The following MYO7B variants were observed in gnomAD, a reference collection of about 807,000 sequenced individuals.
MYO7B encodes the protein unconventional myosin-VIIb.
A neutral mutation model predicts 259.7 loss-of-function variants in MYO7B; 212 were observed. The ratio of observed to expected loss-of-function variants is 0.82; its 90% CI spans 0.73 to 0.91. MYO7B has a LOEUF of 0.91. Among genes scored for constraint, MYO7B ranks in the 40% least tolerant of loss-of-function variants. The probability of loss-of-function intolerance (pLI) is 0.00; values close to 1 mark genes in which losing one functional copy is unlikely to be tolerated. For missense variants in MYO7B, 2,732 were observed against 2,813.5 expected, an observed-to-expected ratio of 0.97 and a Z score of 0.66; for synonymous variants, 1,197 against 1,166.4, an observed-to-expected ratio of 1.03 and a Z score of -0.54.
Position 127,574,012 on chromosome 2 carries a change from GGC to G in MYO7B, c.692_693del (p.Arg231HisfsTer34). On this transcript the variant is annotated frameshift_variant, in exon 7 of 48. Coordinates refer to ENST00000409816, the MANE Select transcript of MYO7B (RefSeq NM_001393586.1). LOFTEE classifies it high-confidence loss of function. The stretch of plus-strand genomic sequence containing the variant: ...CTTTAACCCCAGCGGGGTGATCGAG[GGC>G]GCGCGCATCGAGCAATTTCTCCTGG... ...IYFNPSGVIE[G>X]ARIEQFLLEK... 1 of 1,614,024 alleles carries G rather than the reference GGC, an allele frequency of 6.2e-7. No homozygotes were observed. Among genetic ancestry groups the G allele is most frequent in the Non-Finnish European group, 8.5e-7 (1 of 1,179,896 alleles).
At chr2:127,561,129 C>T (rs974978791) in intron 2 of MYO7B, among the ~76,000 whole-genome samples, 5 of 152,226 alleles carry the variant, frequency 3.3e-5, no homozygotes, top group African/African-American at 1.2e-4. Flanking sequence ...CCACGGGATG[C>T]ATCAACGCCA....
rs376413423 is a variant in MYO7B, at chr2:127,569,934, C to A, written c.592+24C>A. On this transcript the variant is annotated intron_variant, in intron 6 of 47. Coordinates refer to ENST00000409816, the MANE Select transcript of MYO7B (RefSeq NM_001393586.1). ...GGGTAAGCATCACTCTGGGACCCGC[C>A]CTTCTCCCCCAGCCCCCCTGGAGCC... 202 of 1,599,470 alleles carry A rather than the reference C, an allele frequency of 1.3e-4. No individual in the cohort carries two copies. The African/African-American group carries it at 2.5e-3, about 20-fold the overall frequency.
At chr2:127,634,094 A>C in intron 40 of MYO7B, 82 bp from the exon 41 acceptor site, 3 of 1,139,162 alleles carry the variant, frequency 2.6e-6, no homozygotes. Context: ...AAGGAGCAAA[A>C]GTGCCAGGCT....
At chr2:127,596,123 C>T (rs756847186) in intron 18 of MYO7B, among the ~76,000 whole-genome samples, 3 of 152,160 alleles carry the variant, frequency 2.0e-5, no homozygotes, top group South Asian at 2.1e-4. Context: ...GGCTTTTACA[C>T]GGTTGGATGC....
rs1287419953 is a variant in MYO7B, at chr2:127,627,838, C to G, written c.4460+528C>G. The G allele has an allele frequency of 2.2e-6, 1 of 458,048 alleles. No homozygotes were observed. The highest frequency in any genetic ancestry group is 4.4e-6 in the Non-Finnish European group (1 of 227,836). The allele number at this position is 458,048 out of a possible 1,614,324, so 28.4% of individuals were successfully genotyped here. Reference sequence around the variant, plus strand: ...CCCACCCAAGCCCTGCCAGAGCGCCCCTTGGTTGAAGCACACAACAGAGTG... The same window carrying G: ...CCCACCCAAGCCCTGCCAGAGCGCCGCTTGGTTGAAGCACACAACAGAGTG... On this transcript the variant is annotated intron_variant, in intron 33 of 47. Transcript: ENST00000409816. This position sits in a 1 kb window ranked among gnomAD's most constrained non-coding sequence, Gnocchi z 5.6.
Position 127,628,083 on chromosome 2 carries a change from C to T in MYO7B, c.4461-289C>T. ...AGCCGGCAGCTCATCTCAGCTCTGA[C>T]CTTTGCAGTGTCCCTGCGGTGTCAC... On this transcript the variant is annotated intron_variant, in intron 33 of 47. Transcript: ENST00000409816. The surrounding 1 kb of genome is among the most constrained non-coding windows in gnomAD (Gnocchi z 4.8). 1 of 601,530 alleles carries T rather than the reference C, an allele frequency of 1.7e-6. No individual in the cohort carries two copies. The highest frequency in any genetic ancestry group is 3.1e-6 in the Non-Finnish European group (1 of 320,542). 37.3% of individuals were successfully genotyped at this position (601,530 alleles called of 1,614,324 possible).
At chr2:127,634,315 CGGT>C in intron 41 of MYO7B, 26 bp downstream of exon 41, 1 of 1,508,874 alleles carries the variant, frequency 6.6e-7, no homozygotes, top group Non-Finnish European at 8.9e-7. Context: ...GCTGGGCAGA[CGGT>C]GGGCGGACGG....
Position 127,607,188 on chromosome 2 carries a change from T to A in MYO7B, c.2425-18T>A. On this transcript the variant is annotated intron_variant, in intron 20 of 47. Coordinates refer to ENST00000409816, the MANE Select transcript of MYO7B (RefSeq NM_001393586.1). The surrounding 1 kb of genome is among the most constrained non-coding windows in gnomAD (Gnocchi z 4.4). Reference sequence around the variant, plus strand: ...AGGCCTTCTTGCCCCTGATCTCACCTCTCTCTTGCCTCCGCAGATCCTCGT... The same window carrying A: ...AGGCCTTCTTGCCCCTGATCTCACCACTCTCTTGCCTCCGCAGATCCTCGT... The A allele has an allele frequency of 6.5e-7, 1 of 1,540,840 alleles. No individual in the cohort carries two copies. Among genetic ancestry groups the A allele is most frequent in the Non-Finnish European group, 8.8e-7 (1 of 1,141,152 alleles).
rs35839024 is a variant in MYO7B at position 127,539,597 on chromosome 2, CA to C, written c.-24+3767del. Among the ~76,000 whole-genome samples, 11,247 of 152,166 alleles carry C rather than the reference CA, an allele frequency of 0.074. 572 individuals carry two copies. Among genetic ancestry groups the C allele is most frequent in the Non-Finnish European group, 0.11 (7,679 of 67,996 alleles). On this transcript the variant is annotated intron_variant, in intron 1 of 47. Coordinates refer to ENST00000409816, the MANE Select transcript of MYO7B (RefSeq NM_001393586.1). The surrounding 1 kb of genome is among the most constrained non-coding windows in gnomAD (Gnocchi z 4.0). ...TATCTCTACATGAGGGAGGGCACCT[CA>C]CGGGCTATCTCAGCATGAAGGGGGC...
At chr2:127,593,802 GTAGAACAT>G (rs1558823064) in intron 18 of MYO7B, among the ~76,000 whole-genome samples, 158 bp downstream of exon 18, 3 of 152,250 alleles carry the variant, frequency 2.0e-5, no homozygotes, top group Non-Finnish European at 4.4e-5. Context: ...ACCCCTGGAT[GTAGAACAT>G]CACGCTAGGG....
At position 127,586,603 on chromosome 2, in the gene MYO7B, T is replaced by C. The variant is rs915315932; in HGVS notation, c.1690+1690T>C. Among the ~76,000 whole-genome samples the C allele has an allele frequency of 1.3e-5, 2 of 152,186 alleles. No homozygotes were observed. The highest frequency in any genetic ancestry group is 2.9e-5 in the Non-Finnish European group (2 of 68,032). ...GGAGCCAGTCGGACCTGCAGGGTCC[T>C]GGGACGCAAAGAAGATACCGAGCCC... On this transcript the variant is annotated intron_variant, in intron 14 of 47. Transcript: ENST00000409816. The surrounding 1 kb of genome is among the most constrained non-coding windows in gnomAD (Gnocchi z 4.8).
rs761624166 is a variant in MYO7B at position 127,628,459 on chromosome 2, G to C, written c.4548G>C (p.Glu1516Asp). The C allele has an allele frequency of 1.3e-6, 2 of 1,577,190 alleles. No homozygotes were observed. Among genetic ancestry groups the C allele is most frequent in the Non-Finnish European group, 1.7e-6 (2 of 1,162,448 alleles). ...FVSPSSVAIA[E>D]LVALFLEGLK... ...CACCCAGCAGTGTGGCCATCGCTGA[G>C]CTGGTGGCCCTGTTCCTGGAGGGCC... Residue 1516 changes from glutamate to aspartate, a missense_variant, in exon 34 of 48, where the codon GAG (glutamate) becomes GAC (aspartate). Glu to Asp is a conservative substitution (Grantham distance 45, BLOSUM62 2). This residue lies in a region of MYO7B where 1,906 missense variants were observed against 2,026.4 expected (regional missense o/e 0.94). Transcript: ENST00000409816. The surrounding 1 kb of genome is among the most constrained non-coding windows in gnomAD (Gnocchi z 4.8).
chr2:127,636,539 T>A lies in MYO7B; in HGVS notation c.6124-6T>A, dbSNP rs765691317. ...GGACTATGACCGCCGTGTCCCTCCC[T>A]CCCAGCAAACCTCGGAGCCTTCCTA... On this transcript the variant is annotated splice_polypyrimidine_tract_variant and splice_region_variant and intron_variant, in intron 45 of 47. Transcript: ENST00000409816. This position sits in a 1 kb window ranked among gnomAD's most constrained non-coding sequence, Gnocchi z 4.5. 4.0e-5 allele frequency: 64 copies of A among 1,608,678 alleles called. No homozygotes were observed. Among genetic ancestry groups the A allele is most frequent in the Non-Finnish European group, 5.3e-5 (63 of 1,177,656 alleles).
At chr2:127,573,839 A>C in intron 6 of MYO7B, 81 bp from the exon 7 acceptor site, 1 of 1,560,078 alleles carries the variant, frequency 6.4e-7, no homozygotes, top group Non-Finnish European at 8.8e-7. Flanking sequence ...ACCTCCTCTG[A>C]GAAGCCCTCT....
chr2:127,562,482 G>GTTTTTT lies in MYO7B; in HGVS notation c.19-1652_19-1647dup, dbSNP rs56290548. The stretch of plus-strand genomic sequence containing the variant: ...CAGCTAATTTTTGTGGGGTTTTATT[G>GTTTTTT]TTTTTTTTTTTTTTTTTTTTTTTTG... On this transcript the variant is annotated intron_variant, in intron 2 of 47. Transcript: ENST00000409816. Among the ~76,000 whole-genome samples the GTTTTTT allele has an allele frequency of 8.5e-4, 52 of 61,186 alleles. 2 individuals are homozygous for GTTTTTT. Among genetic ancestry groups the GTTTTTT allele is most frequent in the South Asian group, 1.7e-3 (2 of 1,200 alleles). 40.1% of individuals were successfully genotyped at this position (61,186 alleles called of 152,430 possible).
At position 127,536,476 on chromosome 2, in the gene MYO7B, G is replaced by T. The variant is rs867431761; in HGVS notation, c.-24+645G>T. On this transcript the variant is annotated intron_variant, in intron 1 of 47. Transcript: ENST00000409816. The stretch of plus-strand genomic sequence containing the variant: ...CAGGTCTGGGGTGTGGTGGGGGGGG[G>T]GGTGGGGGAAGAGGTGGCTGAGGAG... Among the ~76,000 whole-genome samples, 571 of 148,234 alleles carry T rather than the reference G, an allele frequency of 3.9e-3. 3 individuals carry two copies. The highest frequency in any genetic ancestry group is 7.2e-3 in the Admixed American group (108 of 15,040).
rs762755897 is a variant in MYO7B, at chr2:127,627,117, G to A, written c.4333+25G>A. On this transcript the variant is annotated intron_variant, in intron 32 of 47. Transcript: ENST00000409816. The surrounding 1 kb of genome is among the most constrained non-coding windows in gnomAD (Gnocchi z 5.6). ...GGTAATGGCATCTGACAGGGGGCAG[G>A]GAGCAGGTATGGGCTGGGCACCCAG... 1 of 1,606,640 alleles carries A rather than the reference G, an allele frequency of 6.2e-7. No individual in the cohort carries two copies. The highest frequency in any genetic ancestry group is 8.5e-7 in the Non-Finnish European group (1 of 1,176,908).
Position 127,624,082 on chromosome 2 carries a change from T to C in MYO7B, c.3820-11T>C. The C allele has an allele frequency of 6.4e-7, 1 of 1,552,294 alleles. No individual in the cohort carries two copies. The highest frequency in any genetic ancestry group is 8.7e-7 in the Non-Finnish European group (1 of 1,147,780). On this transcript the variant is annotated splice_polypyrimidine_tract_variant and intron_variant, in intron 29 of 47. Coordinates refer to ENST00000409816, the MANE Select transcript of MYO7B (RefSeq NM_001393586.1). ...CAGCCGCTAACCCCTGCTCCCCGAC[T>C]CTGGCCTCAGTTCTGGTCCCTGGGC...
rs922019312 is a variant in MYO7B, at chr2:127,637,677, AACCCCACCCC to A, written c.*269_*278del. The A allele has an allele frequency of 2.5e-6, 1 of 396,900 alleles. No individual in the cohort carries two copies. The highest frequency in any genetic ancestry group is 8.7e-5 in the South Asian group (1 of 11,494). The allele number at this position is 396,900 out of a possible 1,614,324, so 24.6% of individuals were successfully genotyped here. On this transcript the variant is annotated 3_prime_UTR_variant, in exon 48 of 48. Transcript: ENST00000409816. ...ATGACTGACTGACAGGACACCTCCCAACCCCACCCCACCCCACCAGAATGTTCAATAAAAA... is the reference window on the plus strand; with the variant it reads ...ATGACTGACTGACAGGACACCTCCCAACCCCACCAGAATGTTCAATAAAAA...
Sources: allele counts gnomAD v4.1 joint callset (sites outside exome capture counted in the v4.1 genomes callset), GRCh38; gene constraint gnomAD v4.1.1; regional missense constraint gnomAD v4.1.1; non-coding constraint Gnocchi (gnomAD v3.1); transcripts MANE v1.5; gene names NCBI Gene and HGNC (gene_info 2026-07-23, HGNC 2026-07-21).